The following OTUD7A variants were observed in gnomAD, a reference collection of about 807,000 sequenced individuals.
The protein encoded by OTUD7A is OTU domain-containing protein 7A.
A neutral mutation model predicts 65.7 loss-of-function variants in OTUD7A; 12 were observed. The observed-to-expected ratio is 0.18, with a 90% CI of 0.12 to 0.30. OTUD7A has a LOEUF of 0.30. Among genes scored for constraint, OTUD7A ranks in the 10% least tolerant of loss-of-function variants. The pLI is 1.00. For missense variants in OTUD7A, 1,148 were observed against 1,304.8 expected, an observed-to-expected ratio of 0.88 and a Z score of 1.85; for synonymous variants, 641 against 586.3, an observed-to-expected ratio of 1.09 and a Z score of -1.35.
At chr15:31,846,515 A>G (rs7165744) in intron 1 of OTUD7A, among the ~76,000 whole-genome samples, 88,104 of 151,866 alleles carry the variant, frequency 0.58, 26,049 homozygotes, top group East Asian at 0.69. Flanking sequence ...AAGAACGGGC[A>G]GGAACTGGTA....
chr15:31,808,136 C>CACACCCACAAAAAAAA (rs772574742), intron 1 of OTUD7A, among the ~76,000 whole-genome samples: 1 of 119,418 alleles, frequency 8.4e-6, no homozygotes. Flanking sequence ...CACACACACA[C>CACACCCACAAAAAAAA]AAACAAATCC....
rs2042015818 is a variant in OTUD7A at position 31,526,479 on chromosome 15, G to A, written c.781-18C>T. On this transcript the variant is annotated intron_variant, in intron 7 of 12. Coordinates refer to ENST00000307050, the MANE Select transcript of OTUD7A (RefSeq NM_001382637.1). ...AGCCCTGACTGGCAGAGGGGAGCCG[G>A]CTCAGAAGGGGGGTGGGCCACAGCT... 6.5e-7 allele frequency: 1 copy of A among 1,545,390 alleles called. No homozygotes were observed. Among genetic ancestry groups the A allele is most frequent in the Admixed American group, 1.9e-5 (1 of 53,982 alleles).
At chr15:31,818,157 A>G (rs1896597476) in intron 1 of OTUD7A, among the ~76,000 whole-genome samples, 1 of 152,050 alleles carries the variant, frequency 6.6e-6, no homozygotes, top group South Asian at 2.1e-4. Flanking sequence ...GACTTCTCGG[A>G]CTCCCAAACT....
intron 1 of OTUD7A, among the ~76,000 whole-genome samples, chr15:31,664,988 G>A (rs1892279854): frequency 6.6e-6 from 1 of 152,098 alleles, no homozygotes; most frequent in African/African-American, 2.4e-5. Flanking sequence ...GTGTATTTCT[G>A]GGTTCTCTAT....
chr15:31,658,445 C>T lies in OTUD7A; in HGVS notation c.-99-1368G>A, dbSNP rs1461064735. Reference sequence around the variant, plus strand: ...CTGCCTTCAATTCCGTCTTCTTTCCCGTATCCGAGGTTGCAGTGTTCATTG... The same window carrying T: ...CTGCCTTCAATTCCGTCTTCTTTCCTGTATCCGAGGTTGCAGTGTTCATTG... On this transcript the variant is annotated intron_variant, in intron 1 of 12. Transcript: ENST00000307050. Among the ~76,000 whole-genome samples the T allele has an allele frequency of 7.9e-5, 12 of 152,080 alleles. No individual in the cohort carries two copies. The South Asian group carries it at 1.9e-3, about 24-fold the overall frequency.
chr15:31,699,935 G>T (rs140883585), intron 1 of OTUD7A, among the ~76,000 whole-genome samples: 687 of 147,098 alleles, frequency 4.7e-3, no homozygotes, highest in African/African-American at 0.017. Context: ...CCGTTGAACC[G>T]CTCACAATAA....
chr15:31,804,948 T>A (rs1030830465), intron 1 of OTUD7A, among the ~76,000 whole-genome samples: 2 of 152,196 alleles, frequency 1.3e-5, no homozygotes, highest in Non-Finnish European at 2.9e-5. Flanking sequence ...CAGCACATAA[T>A]AACATCATAA....
chr15:31,642,025 G>A (rs1180189625), intron 3 of OTUD7A, among the ~76,000 whole-genome samples: 4 of 152,178 alleles, frequency 2.6e-5, no homozygotes, highest in Non-Finnish European at 1.5e-5. Context: ...TCATCACTAG[G>A]TGTCAGGTTA....
intron 1 of OTUD7A, among the ~76,000 whole-genome samples, chr15:31,741,032 T>C (rs926148672): frequency 6.6e-6 from 1 of 152,198 alleles, no homozygotes; most frequent in African/African-American, 2.4e-5. Flanking sequence ...AATTATACTC[T>C]CAAGAGCTGC....
At chr15:31,637,769 A>T (rs1310115536) in intron 3 of OTUD7A, among the ~76,000 whole-genome samples, 1 of 152,238 alleles carries the variant, frequency 6.6e-6, no homozygotes, top group African/African-American at 2.4e-5. Context: ...TGTGGGGTCC[A>T]AGACTTCAGT....
chr15:31,733,897 G>C (rs1265449688), intron 1 of OTUD7A, among the ~76,000 whole-genome samples: 1 of 152,148 alleles, frequency 6.6e-6, no homozygotes, highest in African/African-American at 2.4e-5. Context: ...GAAAGCTACA[G>C]GTACGGAGAC....
At chr15:31,834,768 G>A (rs1897015122) in intron 1 of OTUD7A, among the ~76,000 whole-genome samples, 1 of 152,246 alleles carries the variant, frequency 6.6e-6, no homozygotes, top group Non-Finnish European at 1.5e-5. Context: ...GACCCAGGAA[G>A]TATGTAAAAG....
intron 6 of OTUD7A, among the ~76,000 whole-genome samples, chr15:31,529,438 G>A (rs1014426066): frequency 7.9e-5 from 12 of 152,152 alleles, no homozygotes; most frequent in African/African-American, 2.2e-4. Flanking sequence ...ACAAAAGACC[G>A]GAAGATGATG....
chr15:31,733,927 G>A (rs1894116434), intron 1 of OTUD7A, among the ~76,000 whole-genome samples: 1 of 152,280 alleles, frequency 6.6e-6, no homozygotes, highest in Admixed American at 6.5e-5. Flanking sequence ...TAGAGAAGCT[G>A]ATCATGTTTC....
intron 1 of OTUD7A, among the ~76,000 whole-genome samples, chr15:31,806,499 G>A (rs138189071): frequency 6.6e-6 from 1 of 152,142 alleles, no homozygotes; most frequent in African/African-American, 2.4e-5. Context: ...CATTAAAAAG[G>A]CCTGTTACAA....
intron 1 of OTUD7A, among the ~76,000 whole-genome samples, chr15:31,763,606 T>C (rs908860546): frequency 1.3e-5 from 2 of 152,098 alleles, no homozygotes; most frequent in African/African-American, 4.8e-5. Flanking sequence ...AAGAGTCTGG[T>C]GTGGAAAAGA....
chr15:31,830,875 A>C (rs946837875), intron 1 of OTUD7A, among the ~76,000 whole-genome samples: 1 of 152,242 alleles, frequency 6.6e-6, no homozygotes, highest in African/African-American at 2.4e-5. Flanking sequence ...TACAAACTCA[A>C]TCACATTGGA....
intron 1 of OTUD7A, among the ~76,000 whole-genome samples, chr15:31,726,873 T>G (rs1893904544): frequency 1.3e-5 from 2 of 152,234 alleles, no homozygotes; most frequent in Admixed American, 1.3e-4. Context: ...CCACTTGAAT[T>G]AGCGATGGAA....
At chr15:31,809,739 T>C (rs764067769) in intron 1 of OTUD7A, among the ~76,000 whole-genome samples, 2 of 152,250 alleles carry the variant, frequency 1.3e-5, no homozygotes, top group African/African-American at 4.8e-5. Flanking sequence ...CTTGAGACTC[T>C]TCCTTGTGAG....
Sources: allele counts gnomAD v4.1 joint callset (sites outside exome capture counted in the v4.1 genomes callset), GRCh38; gene constraint gnomAD v4.1.1; transcripts MANE v1.5; gene names NCBI Gene and HGNC (gene_info 2026-07-23, HGNC 2026-07-21).